The following NUP98 variants were observed in gnomAD, a reference collection of about 807,000 sequenced individuals.
The protein encoded by NUP98 is nuclear pore complex protein Nup98-Nup96.
A neutral mutation model predicts 191.9 loss-of-function variants in NUP98; 26 were observed. The ratio of observed to expected loss-of-function variants is 0.14; its 90% CI spans 0.10 to 0.19. The LOEUF (loss-of-function observed/expected upper bound fraction) is 0.19, where lower values mean the gene tolerates loss of function less well. Among genes scored for constraint, NUP98 ranks in the 10% least tolerant of loss-of-function variants. The probability of loss-of-function intolerance (pLI) is 1.00; values close to 1 mark genes in which losing one functional copy is unlikely to be tolerated. For synonymous variants in NUP98, 808 were observed against 778.4 expected (o/e 1.04, Z -0.63); for missense variants, 1,941 against 2,178.8 (o/e 0.89, Z 2.17).
chr11:3,749,257 G>A (rs1441734471), intron 11 of NUP98, among the ~76,000 whole-genome samples: 1 of 151,714 alleles, frequency 6.6e-6, no homozygotes, highest in Admixed American at 6.6e-5. Context: ...GCAGTGAGCC[G>A]AGATTGCACC....
At chr11:3,692,535 C>T (rs1245174199) in intron 27 of NUP98, among the ~76,000 whole-genome samples, 1 of 151,382 alleles carries the variant, frequency 6.6e-6, no homozygotes, top group Non-Finnish European at 1.5e-5. Flanking sequence ...GCAGAGGTTG[C>T]AGTGAGCCGA....
At chr11:3,747,343 T>C (rs1701633450) in intron 11 of NUP98, among the ~76,000 whole-genome samples, 1 of 152,202 alleles carries the variant, frequency 6.6e-6, no homozygotes, top group African/African-American at 2.4e-5. Context: ...CAGAAAGATT[T>C]TTCTATGTCT....
chr11:3,770,037 C>A (rs1399145899), intron 7 of NUP98, among the ~76,000 whole-genome samples: 2 of 117,506 alleles, frequency 1.7e-5, no homozygotes, highest in Admixed American at 8.8e-5. Context: ...AGCGAAACTC[C>A]ATCTCAAAAA....
rs995160520 is a variant in NUP98, at chr11:3,761,542, G to A, written c.1087-916C>T. 2.0e-5 allele frequency among the ~76,000 whole-genome samples: 3 copies of A among 152,198 alleles called. No individual in the cohort carries two copies. In the East Asian group the frequency reaches 5.8e-4, roughly 29 times the overall value. On this transcript the variant is annotated intron_variant, in intron 9 of 32. Coordinates refer to ENST00000324932, the MANE Select transcript of NUP98 (RefSeq NM_016320.5). ...TCGGAGTCCAAGGCAGGTGGATCACGAGGTCAGGAGTTCGAGACCAGCCTG... is the reference window on the plus strand; with the variant it reads ...TCGGAGTCCAAGGCAGGTGGATCACAAGGTCAGGAGTTCGAGACCAGCCTG...
In NUP98 at chr11:3,772,869, T is replaced by C. The variant is rs972384618; in HGVS notation, c.603+763A>G. 9.3e-5 allele frequency among the ~76,000 whole-genome samples: 14 copies of C among 150,826 alleles called. No homozygotes were observed. In the South Asian group the frequency reaches 1.7e-3, roughly 18 times the overall value. The stretch of plus-strand genomic sequence containing the variant: ...GGCCCACACCTGTAATCCAAGCTAC[T>C]AGGGAGGCTGAGGCACGAGAATTGC... On this transcript the variant is annotated intron_variant, in intron 6 of 32. Coordinates refer to ENST00000324932, the MANE Select transcript of NUP98 (RefSeq NM_016320.5).
At chr11:3,718,032 T>C (rs77667774) in intron 18 of NUP98, among the ~76,000 whole-genome samples, 4,135 of 152,220 alleles carry the variant, frequency 0.027, 174 homozygotes, top group African/African-American at 0.091. Context: ...GGTCTGTAGT[T>C]TTCTTTCCTT....
intron 24 of NUP98, among the ~76,000 whole-genome samples, chr11:3,699,791 A>G (rs537149409): frequency 2.8e-4 from 42 of 152,232 alleles, no homozygotes; most frequent in Non-Finnish European, 5.3e-4. Flanking sequence ...GAACTGAAGG[A>G]ACATAAACAA....
At chr11:3,677,461 CT>C (rs1296562303) in intron 31 of NUP98, among the ~76,000 whole-genome samples, 1 of 140,448 alleles carries the variant, frequency 7.1e-6, no homozygotes, top group Non-Finnish European at 1.5e-5. Flanking sequence ...GTTGCTCAGG[CT>C]GGTCTCAAGC....
chr11:3,794,360 G>A (rs1405982006), intron 1 of NUP98, among the ~76,000 whole-genome samples: 1 of 151,816 alleles, frequency 6.6e-6, no homozygotes, highest in Non-Finnish European at 1.5e-5. Context: ...TCTCGCTGTC[G>A]CCCAGGCTGG....
chr11:3,752,135 C>T (rs1340817913), intron 11 of NUP98, among the ~76,000 whole-genome samples: 1 of 149,120 alleles, frequency 6.7e-6, no homozygotes, highest in Non-Finnish European at 1.5e-5. Flanking sequence ...CGGAGCAAGA[C>T]TCCATCTCAA....
At chr11:3,702,280 GACACACAC>G (rs537147629) in intron 23 of NUP98, among the ~76,000 whole-genome samples, 175 bp downstream of exon 23, 9 of 108,478 alleles carry the variant, frequency 8.3e-5, no homozygotes, top group South Asian at 3.4e-4. Flanking sequence ...GCAAAACTGA[GACACACAC>G]ACACACACAC....
chr11:3,753,287 TC>T (rs2080834043), intron 11 of NUP98, 28 bp downstream of exon 11: 1 of 1,547,144 alleles, frequency 6.5e-7, no homozygotes, highest in Non-Finnish European at 8.9e-7. Context: ...CTGTGTCACT[TC>T]CTAGATCTCA....
chr11:3,763,149 T>C, intron 8 of NUP98, 110 bp from the exon 9 acceptor site: 1 of 956,276 alleles, frequency 1.0e-6, no homozygotes. Context: ...TGACAGATAT[T>C]AGGCTAAATA....
At chr11:3,688,299 G>T (rs571617996) in intron 28 of NUP98, among the ~76,000 whole-genome samples, 3 of 152,006 alleles carry the variant, frequency 2.0e-5, no homozygotes, top group Non-Finnish European at 4.4e-5. Context: ...CCAGCTACTC[G>T]GGAAGCTGAG....
chr11:3,691,297 C>G (rs748277876), intron 28 of NUP98, 50 bp downstream of exon 28: 2 of 1,611,594 alleles, frequency 1.2e-6, no homozygotes, highest in Non-Finnish European at 1.7e-6. Context: ...AAGGACTCCC[C>G]TGGGGCTCAT....
intron 28 of NUP98, among the ~76,000 whole-genome samples, chr11:3,687,175 C>T (rs1240611917): frequency 6.6e-6 from 1 of 152,066 alleles, no homozygotes; most frequent in Non-Finnish European, 1.5e-5. Flanking sequence ...TTCAAGTGAT[C>T]GTCCCACTTC....
chr11:3,741,899 T>C (rs779848353), intron 12 of NUP98, among the ~76,000 whole-genome samples: 1 of 152,234 alleles, frequency 6.6e-6, no homozygotes, highest in Non-Finnish European at 1.5e-5. Flanking sequence ...AATATTAAAT[T>C]GTGTGGAATG....
chr11:3,777,690 A>G (rs1465192534), intron 4 of NUP98, among the ~76,000 whole-genome samples: 1 of 151,868 alleles, frequency 6.6e-6, no homozygotes, highest in Non-Finnish European at 1.5e-5. Flanking sequence ...AGAAATTTAT[A>G]TGCCAATATT....
chr11:3,727,403 A>T, intron 14 of NUP98, among the ~76,000 whole-genome samples: 1 of 152,216 alleles, frequency 6.6e-6, no homozygotes, highest in East Asian at 1.9e-4. Context: ...TACAAAGTTA[A>T]TCCTACAAGC....
Sources: allele counts gnomAD v4.1 joint callset (sites outside exome capture counted in the v4.1 genomes callset), GRCh38; gene constraint gnomAD v4.1.1; transcripts MANE v1.5; gene names NCBI Gene and HGNC (gene_info 2026-07-23, HGNC 2026-07-21).